Variants in KCNAB1 observed in about 807,000 individuals in gnomAD.
KCNAB1 encodes the protein voltage-gated potassium channel subunit beta-1.
Under a neutral mutation model 64.6 loss-of-function variants are expected in KCNAB1, and 35 were observed. The ratio of observed to expected loss-of-function variants is 0.54; its 90% CI spans 0.41 to 0.72. KCNAB1 has a LOEUF of 0.72. KCNAB1 is among the 30% of genes least tolerant of loss of function. The pLI, the probability that KCNAB1 is intolerant of heterozygous loss-of-function variation, is 0.00. For missense variants in KCNAB1, 401 were observed against 512.9 expected, an observed-to-expected ratio of 0.78 and a Z score of 2.11; for synonymous variants, 177 against 183.8, an observed-to-expected ratio of 0.96 and a Z score of 0.30.
intron 1 of KCNAB1, among the ~76,000 whole-genome samples, chr3:156,362,206 T>C (rs1424981632): frequency 1.3e-5 from 2 of 152,376 alleles, no homozygotes; most frequent in Non-Finnish European, 2.9e-5. Context: ...TTTTTCATTA[T>C]TGATGCTCTT....
At chr3:156,338,303 C>CTTTTTTTTTTTT (rs34671816) in intron 1 of KCNAB1, among the ~76,000 whole-genome samples, 1,680 of 39,398 alleles carry the variant, frequency 0.043, 493 homozygotes, top group Non-Finnish European at 0.048. Flanking sequence ...GGCATTTGCA[C>CTTTTTTTTTTTT]TTTTTTTTTT....
At chr3:156,356,592 T>G (rs1249781633) in intron 1 of KCNAB1, among the ~76,000 whole-genome samples, 2 of 152,186 alleles carry the variant, frequency 1.3e-5, no homozygotes, top group African/African-American at 4.8e-5. Flanking sequence ...TTTTTCAAAT[T>G]TAGAAATTAA....
chr3:156,376,574 A>G (rs1711687842), intron 1 of KCNAB1, among the ~76,000 whole-genome samples: 1 of 152,264 alleles, frequency 6.6e-6, no homozygotes, highest in Non-Finnish European at 1.5e-5. Context: ...TAATAAGCAC[A>G]GTTCTAATGA....
chr3:156,168,649 G>A (rs1577665047), intron 1 of KCNAB1, among the ~76,000 whole-genome samples: 1 of 152,264 alleles, frequency 6.6e-6, no homozygotes, highest in East Asian at 1.9e-4. Context: ...ACTGAATAAT[G>A]GAATTTTTGA....
rs1712079827 is a variant in KCNAB1 at position 156,452,479 on chromosome 3, AT to A, written c.320-417del. Among the ~76,000 whole-genome samples, 1 of 152,222 alleles carries A rather than the reference AT, an allele frequency of 6.6e-6. No homozygotes were observed. The highest frequency in any genetic ancestry group is 2.4e-5 in the African/African-American group (1 of 41,446). On this transcript the variant is annotated intron_variant, in intron 2 of 13. Coordinates refer to ENST00000490337, the MANE Select transcript of KCNAB1 (RefSeq NM_172160.3). This position sits in a 1 kb window ranked among gnomAD's most constrained non-coding sequence, Gnocchi z 4.6. ...ATAATGAATAAAAAATACAGCCACT[AT>A]TTGGAGGCAAAGAAGGGGAGAACTA...
rs531108091 is a variant in KCNAB1 at position 156,221,651 on chromosome 3, G to A, written c.275+100765G>A. On this transcript the variant is annotated intron_variant, in intron 1 of 13. Coordinates refer to ENST00000490337, the MANE Select transcript of KCNAB1 (RefSeq NM_172160.3). The stretch of plus-strand genomic sequence containing the variant: ...AAATTAGCCGGACATGGTGGTGGGC[G>A]CCTGTAATCACAGCTACTTGGGAGG... Among the ~76,000 whole-genome samples, 39 of 152,084 alleles carry A rather than the reference G, an allele frequency of 2.6e-4. No individual in the cohort carries two copies. In the South Asian group the frequency reaches 7.1e-3, roughly 28 times the overall value.
intron 1 of KCNAB1, among the ~76,000 whole-genome samples, chr3:156,165,625 T>C (rs1711526317): frequency 2.0e-5 from 3 of 152,250 alleles, no homozygotes. Context: ...ACTCCATTGA[T>C]CAACACCTTA....
chr3:156,118,272 T>C (rs1713169180), upstream of KCNAB1: 2 of 452,390 alleles, frequency 4.4e-6, no homozygotes, highest in Admixed American at 4.8e-5. Context: ...CTGGCTGTTG[T>C]CTGGAAACTC....
intron 1 of KCNAB1, among the ~76,000 whole-genome samples, chr3:156,414,239 A>G (rs1714896049): frequency 6.6e-6 from 1 of 152,204 alleles, no homozygotes; most frequent in African/African-American, 2.4e-5. Flanking sequence ...AAAACTAATT[A>G]CAGCTCTCAT....
chr3:156,429,733 A>T (rs1011890788), intron 2 of KCNAB1, among the ~76,000 whole-genome samples: 1 of 152,196 alleles, frequency 6.6e-6, no homozygotes, highest in Non-Finnish European at 1.5e-5. Flanking sequence ...CTCACCTATT[A>T]TAACAACATA....
chr3:156,432,518 T>G (rs1042691805), intron 2 of KCNAB1, among the ~76,000 whole-genome samples: 13 of 152,106 alleles, frequency 8.5e-5, no homozygotes, highest in African/African-American at 3.1e-4. Context: ...TAATTACAAT[T>G]AGAGGAAAAA....
chr3:156,483,290 G>A (rs1714963498), intron 8 of KCNAB1, among the ~76,000 whole-genome samples: 1 of 152,154 alleles, frequency 6.6e-6, no homozygotes, highest in South Asian at 2.1e-4. Flanking sequence ...CTGATGAACA[G>A]CTAAGGACTA....
At position 156,284,124 on chromosome 3, in the gene KCNAB1, G is replaced by A. The variant is rs868247723; in HGVS notation, c.276-137492G>A. ...TATCTACTTTTGGTCTTTGATGATG[G>A]TGATGTACAGATGGGTTTTTGGTGT... On this transcript the variant is annotated intron_variant, in intron 1 of 13. Transcript: ENST00000490337. Among the ~76,000 whole-genome samples the A allele has an allele frequency of 7.7e-3, 1,164 of 152,098 alleles. 8 individuals are homozygous for A. The highest frequency in any genetic ancestry group is 0.011 in the Non-Finnish European group (757 of 67,964).
At position 156,420,011 on chromosome 3, in the gene KCNAB1, T is replaced by C. The variant is rs192759702; in HGVS notation, c.276-1605T>C. 3.1e-4 allele frequency among the ~76,000 whole-genome samples: 48 copies of C among 152,388 alleles called. No individual in the cohort carries two copies. The Middle Eastern group carries it at 0.01, about 32-fold the overall frequency. ...ATTATGTTCACTGGAGCAATCCAATTATTTTCGTCCCATTTAGTGGTTCAA... is the reference window on the plus strand; with the variant it reads ...ATTATGTTCACTGGAGCAATCCAATCATTTTCGTCCCATTTAGTGGTTCAA... On this transcript the variant is annotated intron_variant, in intron 1 of 13. Coordinates refer to ENST00000490337, the MANE Select transcript of KCNAB1 (RefSeq NM_172160.3).
intron 1 of KCNAB1, among the ~76,000 whole-genome samples, chr3:156,421,016 A>G (rs1247652639): frequency 2.0e-5 from 3 of 149,494 alleles, no homozygotes; most frequent in Non-Finnish European, 4.4e-5. Flanking sequence ...TATATTAAAT[A>G]TAGGATATAG....
chr3:156,290,408 A>G (rs967655197), intron 1 of KCNAB1, among the ~76,000 whole-genome samples: 3 of 152,226 alleles, frequency 2.0e-5, no homozygotes, highest in Non-Finnish European at 4.4e-5. Context: ...CTGATTTTGC[A>G]GAAGCCATAA....
At chr3:156,364,840 C>T (rs1725846796) in intron 1 of KCNAB1, among the ~76,000 whole-genome samples, 3 of 152,006 alleles carry the variant, frequency 2.0e-5, no homozygotes, top group African/African-American at 7.3e-5. Flanking sequence ...AGCACAGACA[C>T]TTGAATGGGA....
chr3:156,264,028 T>C lies in KCNAB1; in HGVS notation c.275+143142T>C, dbSNP rs138924814. 1.3e-4 allele frequency among the ~76,000 whole-genome samples: 20 copies of C among 152,222 alleles called. No homozygotes were observed. The East Asian group carries it at 3.7e-3, about 28-fold the overall frequency. On this transcript the variant is annotated intron_variant, in intron 1 of 13. Transcript: ENST00000490337. ...GCATTAAAATCGCCAAGAAGAAGTG[T>C]TGAATTGTCTATTTTTCCTTTCAAG...
At chr3:156,321,418 T>TTA (rs1343282066) in intron 1 of KCNAB1, among the ~76,000 whole-genome samples, 3 of 152,162 alleles carry the variant, frequency 2.0e-5, no homozygotes, top group Admixed American at 1.3e-4. Context: ...AATACTCTAT[T>TTA]ATCTCATTCT....
Sources: allele counts gnomAD v4.1 joint callset (sites outside exome capture counted in the v4.1 genomes callset), GRCh38; gene constraint gnomAD v4.1.1; non-coding constraint Gnocchi (gnomAD v3.1); transcripts MANE v1.5; gene names NCBI Gene and HGNC (gene_info 2026-07-23, HGNC 2026-07-21).